Variants in SP140 observed in about 807,000 individuals in gnomAD.
SP140 encodes nuclear body protein SP140.
A neutral mutation model predicts 125.0 loss-of-function variants in SP140; 81 were observed. The ratio of observed to expected loss-of-function variants is 0.65; its 90% CI spans 0.54 to 0.78. The LOEUF (loss-of-function observed/expected upper bound fraction) is 0.78. Among genes scored for constraint, SP140 ranks in the 30% least tolerant of loss-of-function variants. The pLI is 0.00. For synonymous variants in SP140, 312 were observed against 354.0 expected (o/e 0.88, Z 1.33); for missense variants, 858 against 1,037.0 (o/e 0.83, Z 2.37).
At chr2:230,309,466 G>C (rs374538269) in intron 22 of SP140, among the ~76,000 whole-genome samples, 28 of 152,316 alleles carry the variant, frequency 1.8e-4, no homozygotes, top group African/African-American at 6.5e-4. Flanking sequence ...TTCAACTCAT[G>C]GGGAACTTAT....
chr2:230,255,632 T>G, intron 12 of SP140, 100 bp downstream of exon 12: 1 of 1,021,208 alleles, frequency 9.8e-7, no homozygotes, highest in Non-Finnish European at 1.5e-6. Flanking sequence ...TGCATATACC[T>G]CACAGTGAAA....
At chr2:230,303,989 G>A (rs779499399) in intron 22 of SP140, among the ~76,000 whole-genome samples, 2 of 151,998 alleles carry the variant, frequency 1.3e-5, no homozygotes, top group East Asian at 1.9e-4. Context: ...CAATATGATC[G>A]TATACCTAGA....
At chr2:230,241,524 G>A in intron 4 of SP140, 37 bp downstream of exon 4, 1 of 1,292,214 alleles carries the variant, frequency 7.7e-7, no homozygotes, top group Non-Finnish European at 1.1e-6. Context: ...CCTTATTAAA[G>A]TTTTGCTTCC....
intron 22 of SP140, among the ~76,000 whole-genome samples, chr2:230,304,287 G>T (rs9653377): frequency 6.6e-6 from 1 of 152,114 alleles, no homozygotes; most frequent in Non-Finnish European, 1.5e-5. Flanking sequence ...TCCTATGCTC[G>T]TGGATGGGTA....
rs574413820 is a variant in SP140 at position 230,295,043 on chromosome 2, A to G, written c.2016+725A>G. 8.5e-5 allele frequency among the ~76,000 whole-genome samples: 13 copies of G among 152,356 alleles called. No homozygotes were observed. In the South Asian group the frequency reaches 1.0e-3, roughly 12 times the overall value. On this transcript the variant is annotated intron_variant, in intron 21 of 26. Transcript: ENST00000392045. ...TGGCTCTACCAGAGGGACTGTGCAG[A>G]CCTGCTTTTTATCTGTGAAAGTGAT... is the stretch of plus-strand genomic sequence containing the variant.
chr2:230,268,072 A>G (rs975284924), intron 12 of SP140, among the ~76,000 whole-genome samples: 1 of 152,198 alleles, frequency 6.6e-6, no homozygotes, highest in Non-Finnish European at 1.5e-5. Context: ...GAAAATCAGG[A>G]ACAAGCACAC....
chr2:230,225,245 C>G (rs1344702461), upstream of SP140, among the ~76,000 whole-genome samples: 1 of 152,214 alleles, frequency 6.6e-6, no homozygotes, highest in South Asian at 2.1e-4. Context: ...AACCTCAGCA[C>G]TTGCCTTTGG....
intron 10 of SP140, among the ~76,000 whole-genome samples, chr2:230,252,020 C>T (rs1214179045): frequency 6.6e-6 from 1 of 151,874 alleles, no homozygotes; most frequent in Non-Finnish European, 1.5e-5. Context: ...AATGTGGATG[C>T]CCAAAGGGTT....
rs1574975371 is a variant in SP140 at position 230,245,146 on chromosome 2, CT to C, written c.664+68del. 4 of 1,026,662 alleles carry C rather than the reference CT, an allele frequency of 3.9e-6. No individual in the cohort carries two copies. The East Asian group carries it at 9.7e-5, about 25-fold the overall frequency. The allele number at this position is 1,026,662 out of a possible 1,614,324, so 63.6% of individuals were successfully genotyped here. ...TTGGCCTATCTCTATGCAACCAACA[CT>C]TCCTTCTCTCTCCACCACCAACCCT... On this transcript the variant is annotated intron_variant, in intron 6 of 26. Transcript: ENST00000392045.
chr2:230,244,855 C>T (rs554696665), intron 5 of SP140, 133 bp from the exon 6 acceptor site: 8 of 588,076 alleles, frequency 1.4e-5, no homozygotes, highest in African/African-American at 5.6e-5. Flanking sequence ...AAGGCTGTGG[C>T]GGGGCTCAGG....
At chr2:230,196,046 CT>C in the SP140 span, among the ~76,000 whole-genome samples, 1 of 151,940 alleles carries the variant, frequency 6.6e-6, no homozygotes, top group Non-Finnish European at 1.5e-5. Flanking sequence ...TTAAGGATAC[CT>C]AAACATTTAA....
chr2:230,237,323 A>T lies in SP140; in HGVS notation c.237+63A>T. On this transcript the variant is annotated intron_variant, in intron 2 of 26. Transcript: ENST00000392045. This position sits in a 1 kb window ranked among gnomAD's most constrained non-coding sequence, Gnocchi z 5.4. ...ATACTCAATTATGCCAAACTTCAAG[A>T]TGCAATGAGCAGGCTAAAGGGCCTC... 2 of 1,495,664 alleles carry T rather than the reference A, an allele frequency of 1.3e-6. No individual in the cohort carries two copies. Among genetic ancestry groups the T allele is most frequent in the Admixed American group, 3.7e-5 (2 of 54,412 alleles). The allele number at this position is 1,495,664 out of a possible 1,614,324, so 92.6% of individuals were successfully genotyped here. A position where few individuals can be genotyped will look rare whatever the true frequency, so the allele number is the denominator to read the frequency against.
intron 1 of SP140, among the ~76,000 whole-genome samples, chr2:230,229,445 A>C (rs1011185292): frequency 4.4e-5 from 6 of 137,926 alleles, no homozygotes; most frequent in South Asian, 2.4e-4. Flanking sequence ...TTCCCTTTGC[A>C]TGAAGAAATT....
At chr2:230,192,644 T>A in the SP140 span, among the ~76,000 whole-genome samples, 2 of 152,068 alleles carry the variant, frequency 1.3e-5, no homozygotes, top group Admixed American at 1.3e-4. Flanking sequence ...AGGACACAAA[T>A]GGAAAAACAT....
At position 230,290,469 on chromosome 2, in the gene SP140, A is replaced by G; in HGVS notation, c.1730A>G (p.Lys577Arg). ...QKRVRSRASR[K>R]HKDETVDFKA... is the part of the protein sequence containing the mutation. The stretch of plus-strand genomic sequence containing the variant: ...AAATCCTCTCTTTCAGCTTCAAGAA[A>G]GCACAAAGATGAAACTGTGGATTTT... The change falls in exon 19 of 27, where the codon AAG becomes AGG. Residue 577 changes from lysine (K) to arginine (R), a missense_variant. This residue lies in a region of SP140 where 791 missense variants were observed against 869.5 expected (regional missense o/e 0.91). Coordinates refer to ENST00000392045, the MANE Select transcript of SP140 (RefSeq NM_007237.5). 6.2e-7 allele frequency: 1 copy of G among 1,613,862 alleles called. No homozygotes were observed. The highest frequency in any genetic ancestry group is 8.5e-7 in the Non-Finnish European group (1 of 1,179,888).
intron 26 of SP140, 97 bp from the exon 27 acceptor site, chr2:230,312,489 T>G: frequency 1.3e-6 from 1 of 787,102 alleles, no homozygotes; most frequent in Non-Finnish European, 2.0e-6. Context: ...ACAGTACTTT[T>G]TTTTTTAAAG....
At chr2:230,297,504 T>A (rs2057854779) in intron 22 of SP140, 42 bp downstream of exon 22, 1 of 1,603,904 alleles carries the variant, frequency 6.2e-7, no homozygotes, top group Non-Finnish European at 8.5e-7. Flanking sequence ...AATATTCCAC[T>A]CCTTTCTCCA....
intron 22 of SP140, among the ~76,000 whole-genome samples, chr2:230,303,251 A>G (rs1045152972): frequency 6.6e-6 from 1 of 152,232 alleles, no homozygotes; most frequent in South Asian, 2.1e-4. Flanking sequence ...ACAGAAATAC[A>G]GAAGATCACT....
chr2:230,299,049 G>T (rs926725270), intron 22 of SP140, among the ~76,000 whole-genome samples: 1 of 152,202 alleles, frequency 6.6e-6, no homozygotes, highest in African/African-American at 2.4e-5. Flanking sequence ...TTCTTGAAAA[G>T]ATGGGTTTGG....
Sources: gnomAD v4.1 joint callset for allele counts (sites outside exome capture counted in the v4.1 genomes callset) on GRCh38, gnomAD v4.1.1 for gene constraint, gnomAD v4.1.1 regional missense constraint, Gnocchi (gnomAD v3.1) non-coding constraint, MANE v1.5 for transcripts, NCBI Gene and HGNC (gene_info 2026-07-23, HGNC 2026-07-21) for gene names.